SLC9C2: variants seen among roughly 807,000 people sequenced by gnomAD.
The protein encoded by SLC9C2 is sodium/hydrogen exchanger 11.
Under a neutral mutation model 140.2 loss-of-function variants are expected in SLC9C2, and 75 were observed. The ratio of observed to expected loss-of-function variants is 0.53; its 90% CI spans 0.44 to 0.65. The LOEUF is 0.65. Among genes scored for constraint, SLC9C2 ranks in the 30% least tolerant of loss-of-function variants. The pLI, the probability that SLC9C2 is intolerant of heterozygous loss-of-function variation, is 0.00. For synonymous variants in SLC9C2, 375 were observed against 420.9 expected (o/e 0.89, Z 1.34); for missense variants, 1,074 against 1,331.8 (o/e 0.81, Z 3.01).
chr1:173,532,343 G>T (rs182694530), intron 17 of SLC9C2, among the ~76,000 whole-genome samples: 1 of 152,088 alleles, frequency 6.6e-6, no homozygotes, highest in East Asian at 1.9e-4. Context: ...AACAAACATG[G>T]CATGGCAAGT....
chr1:173,558,052 C>A (rs1456014007), intron 9 of SLC9C2, among the ~76,000 whole-genome samples: 1 of 152,018 alleles, frequency 6.6e-6, no homozygotes, highest in African/African-American at 2.4e-5. Flanking sequence ...CGACCCTGTG[C>A]CAAAATTTAA....
chr1:173,599,179 C>A (rs1250175266), intron 3 of SLC9C2, among the ~76,000 whole-genome samples: 1 of 151,032 alleles, frequency 6.6e-6, no homozygotes, highest in Admixed American at 6.6e-5. Context: ...AGTGCAGTGG[C>A]GAGATCTCAG....
intron 13 of SLC9C2, among the ~76,000 whole-genome samples, chr1:173,540,770 G>A (rs1207188338): frequency 6.6e-6 from 1 of 152,166 alleles, no homozygotes; most frequent in Admixed American, 6.6e-5. Context: ...ATAAACCAAA[G>A]AGAAATAGTT....
chr1:173,573,143 T>C, intron 9 of SLC9C2, 39 bp downstream of exon 9: 1 of 1,396,098 alleles, frequency 7.2e-7, no homozygotes, highest in East Asian at 2.5e-5. Context: ...GCCTTGAGAA[T>C]CTCAGTTTAG....
intron 23 of SLC9C2, among the ~76,000 whole-genome samples, chr1:173,510,417 T>C (rs1659958020): frequency 6.6e-6 from 1 of 152,182 alleles, no homozygotes; most frequent in Non-Finnish European, 1.5e-5. Context: ...GCTGTACCTA[T>C]CAACATGTCA....
chr1:173,597,941 T>A lies in SLC9C2; in HGVS notation c.320A>T (p.Asp107Val). ...SPLIIFMVAL[D>V]VEFYTLKKMF... ...TTTCTTGAGTGTATAAAATTCTACA[T>A]CCAAAGCAACCATAAATATAATTAA... Residue 107 changes from aspartate (D) to valine (V), a missense_variant, in exon 4 of 28, where the codon GAT (aspartate) becomes GTT (valine). Asp to Val is a radical substitution (Grantham distance 152). Transcript: ENST00000367714. The A allele has an allele frequency of 6.3e-7, 1 of 1,594,474 alleles. No individual in the cohort carries two copies. The highest frequency in any genetic ancestry group is 8.5e-7 in the Non-Finnish European group (1 of 1,170,706).
intron 23 of SLC9C2, among the ~76,000 whole-genome samples, chr1:173,510,133 CA>C (rs1659939911): frequency 1.3e-5 from 2 of 152,206 alleles, no homozygotes; most frequent in Non-Finnish European, 2.9e-5. Context: ...ACACGAACTT[CA>C]GTGAATTCAA....
chr1:173,574,186 CTT>C (rs1479884624), intron 8 of SLC9C2, among the ~76,000 whole-genome samples: 1 of 152,338 alleles, frequency 6.6e-6, no homozygotes, highest in Non-Finnish European at 1.5e-5. Flanking sequence ...GACTCTCTCT[CTT>C]GAGACTTTCC....
At chr1:173,548,787 T>C (rs1020748500) in intron 11 of SLC9C2, among the ~76,000 whole-genome samples, 1 of 152,202 alleles carries the variant, frequency 6.6e-6, no homozygotes, top group African/African-American at 2.4e-5. Flanking sequence ...GTTTATTAGT[T>C]TCCTTGCTTT....
Position 173,521,287 on chromosome 1 carries a change from C to A in SLC9C2, c.2739+14G>T, listed in dbSNP as rs201829559. Reference sequence around the variant, plus strand: ...TTTAAGTAAAAAAAAAAAAAAAAATCAATAGTCCCTTACAATTGCCATTCC... The same window carrying A: ...TTTAAGTAAAAAAAAAAAAAAAAATAAATAGTCCCTTACAATTGCCATTCC... On this transcript the variant is annotated intron_variant, in intron 22 of 27. Transcript: ENST00000367714. 103 of 1,259,668 alleles carry A rather than the reference C, an allele frequency of 8.2e-5. No individual in the cohort carries two copies. The East Asian group carries it at 1.5e-3, about 18-fold the overall frequency. 78.0% of individuals were successfully genotyped at this position (1,259,668 alleles called of 1,614,324 possible).
chr1:173,555,821 A>G (rs933196956), intron 10 of SLC9C2, among the ~76,000 whole-genome samples: 3 of 152,198 alleles, frequency 2.0e-5, no homozygotes, highest in African/African-American at 4.8e-5. Flanking sequence ...TACTCCATCA[A>G]AAATAGCACT....
intron 25 of SLC9C2, among the ~76,000 whole-genome samples, chr1:173,505,903 C>T (rs1659603451): frequency 6.6e-6 from 1 of 151,172 alleles, no homozygotes; most frequent in African/African-American, 2.4e-5. Flanking sequence ...AGCTCAAGTA[C>T]AAGTAGGCAC....
chr1:173,551,318 CAG>C (rs1663291515), intron 11 of SLC9C2, among the ~76,000 whole-genome samples: 2 of 152,174 alleles, frequency 1.3e-5, no homozygotes. Flanking sequence ...ACAAAAATTT[CAG>C]ACATAGAAAT....
At chr1:173,554,579 A>G (rs1449379039) in intron 11 of SLC9C2, among the ~76,000 whole-genome samples, 154 bp downstream of exon 11, 3 of 152,230 alleles carry the variant, frequency 2.0e-5, no homozygotes, top group African/African-American at 4.8e-5. Flanking sequence ...ACAATATCCC[A>G]AGTAATACAG....
At position 173,526,073 on chromosome 1, in the gene SLC9C2, T is replaced by C. The variant is rs1191091324; in HGVS notation, c.2365+590A>G. On this transcript the variant is annotated intron_variant, in intron 19 of 27. Coordinates refer to ENST00000367714, the MANE Select transcript of SLC9C2 (RefSeq NM_178527.4). ...ACTTCCATTTATTAAGGGCCTTCCA[T>C]ATGCTGGGCCCTCTACCAGATGCTT... is the stretch of plus-strand genomic sequence containing the variant. 3.3e-5 allele frequency among the ~76,000 whole-genome samples: 5 copies of C among 152,180 alleles called. No individual in the cohort carries two copies. The East Asian group carries it at 9.6e-4, about 29-fold the overall frequency.
chr1:173,593,607 A>G (rs185342894), intron 4 of SLC9C2, among the ~76,000 whole-genome samples: 1 of 152,298 alleles, frequency 6.6e-6, no homozygotes, highest in African/African-American at 2.4e-5. Flanking sequence ...GCAAGACCCA[A>G]TGGTATGATG....
At chr1:173,558,138 A>T (rs1464663095) in intron 9 of SLC9C2, among the ~76,000 whole-genome samples, 1 of 152,220 alleles carries the variant, frequency 6.6e-6, no homozygotes, top group African/African-American at 2.4e-5. Context: ...ATGAAATTTC[A>T]GCGAAAGTGA....
Position 173,526,732 on chromosome 1 carries a change from A to T in SLC9C2, c.2314-18T>A. Reference sequence around the variant, plus strand: ...CATAGTTTCTGTAAAAAATTAAGAAAAACATGTATTTCTTATTATTCATAT... The same window carrying T: ...CATAGTTTCTGTAAAAAATTAAGAATAACATGTATTTCTTATTATTCATAT... On this transcript the variant is annotated intron_variant, in intron 18 of 27. Transcript: ENST00000367714. 1 of 1,495,332 alleles carries T rather than the reference A, an allele frequency of 6.7e-7. No homozygotes were observed. Among genetic ancestry groups the T allele is most frequent in the South Asian group, 1.2e-5 (1 of 83,264 alleles). The allele number at this position is 1,495,332 out of a possible 1,614,324, so 92.6% of individuals were successfully genotyped here. A position where few individuals can be genotyped will look rare whatever the true frequency, so the allele number is the denominator to read the frequency against.
intron 8 of SLC9C2, among the ~76,000 whole-genome samples, chr1:173,574,418 G>A (rs905135092): frequency 6.6e-6 from 1 of 152,048 alleles, no homozygotes; most frequent in African/African-American, 2.4e-5. Context: ...CCCCTACTGG[G>A]GAAGAGTTTG....
Sources: allele counts gnomAD v4.1 joint callset (sites outside exome capture counted in the v4.1 genomes callset), GRCh38; gene constraint gnomAD v4.1.1; transcripts MANE v1.5; gene names NCBI Gene and HGNC (gene_info 2026-07-23, HGNC 2026-07-21).